Variants in ANKRD44 observed in about 807,000 individuals in gnomAD.
The protein encoded by ANKRD44 is ankyrin repeat domain 44.
Under a neutral mutation model 116.0 loss-of-function variants are expected in ANKRD44, and 35 were observed. The ratio of observed to expected loss-of-function variants is 0.30; its 90% CI spans 0.23 to 0.40. ANKRD44 has a LOEUF of 0.40. ANKRD44 is among the 10% of genes least tolerant of loss of function. The pLI is 1.00. For synonymous variants in ANKRD44, 435 were observed against 461.8 expected (o/e 0.94, Z 0.74); for missense variants, 1,014 against 1,242.6 (o/e 0.82, Z 2.77).
chr2:197,124,233 A>C (rs530508269), intron 6 of ANKRD44, among the ~76,000 whole-genome samples: 1 of 152,314 alleles, frequency 6.6e-6, no homozygotes, highest in East Asian at 1.9e-4. Context: ...GGATTCACTC[A>C]GACCCACCTT....
At chr2:197,012,355 T>A (rs1434267997) in intron 18 of ANKRD44, among the ~76,000 whole-genome samples, 1 of 151,530 alleles carries the variant, frequency 6.6e-6, no homozygotes, top group Non-Finnish European at 1.5e-5. Context: ...TTTGTAATTG[T>A]CAGGAATTAT....
intron 16 of ANKRD44, among the ~76,000 whole-genome samples, chr2:197,069,482 T>G (rs1559037832): frequency 6.6e-6 from 1 of 152,188 alleles, no homozygotes; most frequent in Non-Finnish European, 1.5e-5. Flanking sequence ...GCTGAATTGC[T>G]TTTCCACCTT....
intron 8 of ANKRD44, among the ~76,000 whole-genome samples, chr2:197,112,707 C>CAAAAAAAAA (rs1178148585): frequency 1.2e-5 from 1 of 80,020 alleles, no homozygotes; most frequent in Non-Finnish European, 2.4e-5. Context: ...GACTCCGTCT[C>CAAAAAAAAA]AAAAAAAAAA....
At chr2:197,285,541 T>G (rs776411955) in intron 1 of ANKRD44, among the ~76,000 whole-genome samples, 2 of 152,194 alleles carry the variant, frequency 1.3e-5, no homozygotes, top group Non-Finnish European at 2.9e-5. Context: ...CTCATAAAAA[T>G]GCTAAGTAGA....
chr2:197,291,382 C>T (rs1299100328), intron 1 of ANKRD44, among the ~76,000 whole-genome samples: 1 of 151,986 alleles, frequency 6.6e-6, no homozygotes, highest in Non-Finnish European at 1.5e-5. Context: ...TGGTGGTGGG[C>T]CCCTGTAATT....
chr2:197,269,276 GTTT>G (rs1433027440), intron 1 of ANKRD44, among the ~76,000 whole-genome samples: 1 of 152,184 alleles, frequency 6.6e-6, no homozygotes, highest in Non-Finnish European at 1.5e-5. Context: ...AGCAGGGAAA[GTTT>G]GAATATGGAG....
At chr2:197,035,979 A>G (rs1191727083) in intron 16 of ANKRD44, among the ~76,000 whole-genome samples, 3 of 151,976 alleles carry the variant, frequency 2.0e-5, no homozygotes, top group African/African-American at 7.2e-5. Context: ...CATATCCACA[A>G]AGAACCTCAG....
intron 16 of ANKRD44, among the ~76,000 whole-genome samples, chr2:197,077,446 A>G (rs934978502): frequency 1.3e-5 from 2 of 152,110 alleles, no homozygotes; most frequent in East Asian, 3.8e-4. Context: ...GATACCTGCA[A>G]AGGCCTGATT....
intron 14 of ANKRD44, among the ~76,000 whole-genome samples, chr2:197,082,369 G>A (rs1277072650): frequency 1.3e-5 from 2 of 152,118 alleles, no homozygotes. Flanking sequence ...CTATGAAGAG[G>A]AAACAAGCAG....
intron 1 of ANKRD44, among the ~76,000 whole-genome samples, chr2:197,274,028 T>C (rs2083003909): frequency 1.2e-5 from 1 of 80,124 alleles, no homozygotes; most frequent in Non-Finnish European, 2.6e-5. Context: ...TATATATATA[T>C]GAATCAGACA....
At chr2:197,020,644 T>G (rs1401363928) in intron 17 of ANKRD44, among the ~76,000 whole-genome samples, 1 of 152,220 alleles carries the variant, frequency 6.6e-6, no homozygotes, top group Non-Finnish European at 1.5e-5. Context: ...AAAATTCGCT[T>G]TGTTTCTTTA....
At chr2:196,978,953 T>C (rs902875333) in intron 21 of ANKRD44, among the ~76,000 whole-genome samples, 20 of 151,716 alleles carry the variant, frequency 1.3e-4, no homozygotes, top group Admixed American at 1.1e-3. Flanking sequence ...AGCATTTTGT[T>C]TTCTTTCCAA....
At chr2:197,198,327 T>C (rs775961301) in intron 1 of ANKRD44, among the ~76,000 whole-genome samples, 15 of 152,060 alleles carry the variant, frequency 9.9e-5, no homozygotes, top group Admixed American at 2.0e-4. Flanking sequence ...CTAAGATTTG[T>C]GCTTTAGAAC....
At chr2:197,286,359 ACTT>A (rs757599569) in intron 1 of ANKRD44, among the ~76,000 whole-genome samples, 4 of 147,582 alleles carry the variant, frequency 2.7e-5, no homozygotes, top group East Asian at 4.0e-4. Flanking sequence ...TTTTTTACCT[ACTT>A]CTTCTACTTT....
intron 1 of ANKRD44, chr2:197,299,639 C>A (rs544871771): frequency 1.3e-5 from 2 of 152,086 alleles, no homozygotes; most frequent in East Asian, 3.8e-4. Context: ...TATGAAGACA[C>A]GAAGGCATAA....
rs1257808802 is a variant in ANKRD44, at chr2:196,988,072, A to T, written c.*1519T>A. 1 of 985,248 alleles carries T rather than the reference A, an allele frequency of 1.0e-6. No homozygotes were observed. Among genetic ancestry groups the T allele is most frequent in the Non-Finnish European group, 1.2e-6 (1 of 829,942 alleles). The allele number at this position is 985,248 out of a possible 1,614,324, so 61.0% of individuals were successfully genotyped here. ...TTTGTCCTCCTTCTATGAGTAAGAG[A>T]GTGGGAAAAGTCAAAACGCAGCTCC... On this transcript the variant is annotated 3_prime_UTR_variant, in exon 28 of 28. Coordinates refer to ENST00000282272, the MANE Select transcript of ANKRD44 (RefSeq NM_001195144.2).
chr2:197,197,358 C>G (rs185910798), intron 1 of ANKRD44, among the ~76,000 whole-genome samples: 211 of 152,278 alleles, frequency 1.4e-3, no homozygotes, highest in African/African-American at 4.9e-3. Context: ...TTCACAGACA[C>G]CAACCCAGTG....
At chr2:197,296,274 G>A (rs2083720029) in intron 1 of ANKRD44, 1 of 152,088 alleles carries the variant, frequency 6.6e-6, no homozygotes, top group African/African-American at 2.4e-5. Flanking sequence ...TCCTATATCA[G>A]CCACTAGGAC....
chr2:197,288,498 G>T (rs1408328177), intron 1 of ANKRD44, among the ~76,000 whole-genome samples: 2 of 152,122 alleles, frequency 1.3e-5, no homozygotes, highest in African/African-American at 4.8e-5. Flanking sequence ...CAGTCCAAAG[G>T]AAAAGAAACC....
Sources: gnomAD v4.1 joint callset for allele counts (sites outside exome capture counted in the v4.1 genomes callset) on GRCh38, gnomAD v4.1.1 for gene constraint, MANE v1.5 for transcripts, NCBI Gene and HGNC (gene_info 2026-07-23, HGNC 2026-07-21) for gene names.